GRIP1: variants seen among roughly 807,000 people sequenced by gnomAD.
The protein encoded by GRIP1 is glutamate receptor interacting protein 1.
GRIP1 carries 45 observed loss-of-function variants against 129.9 expected under a neutral mutation model. The observed-to-expected ratio is 0.35, with a 90% CI of 0.27 to 0.44. The LOEUF (loss-of-function observed/expected upper bound fraction) is 0.44. Ranked by LOEUF, GRIP1 falls within the 20% of genes least tolerant of loss-of-function variation. The pLI is 1.00. For synonymous variants in GRIP1, 530 were observed against 520.8 expected (o/e 1.02, Z -0.24); for missense variants, 1,196 against 1,396.8 (o/e 0.86, Z 2.29).
rs1434198667 is a variant in GRIP1 at position 66,529,825 on chromosome 12, A to G, written c.502+6T>C. On this transcript the variant is annotated splice_donor_region_variant and intron_variant, in intron 5 of 24. Coordinates refer to ENST00000359742, the MANE Select transcript of GRIP1 (RefSeq NM_001366722.1). ...TTTAAAGTAGATTTTTCTAACCAAC[A>G]CCTACCTCGAATTACAAAACCAAAG... is the stretch of plus-strand genomic sequence containing the variant. 1 of 1,512,406 alleles carries G rather than the reference A, an allele frequency of 6.6e-7. No homozygotes were observed. Among genetic ancestry groups the G allele is most frequent in the South Asian group, 1.1e-5 (1 of 89,060 alleles). 93.7% of individuals were successfully genotyped at this position (1,512,406 alleles called of 1,614,324 possible).
chr12:66,418,377 G>A (rs2057684378), intron 15 of GRIP1, among the ~76,000 whole-genome samples: 1 of 152,056 alleles, frequency 6.6e-6, no homozygotes, highest in South Asian at 2.1e-4. Flanking sequence ...ACATTGCTCT[G>A]GGCAAATATG....
At chr12:66,859,177 G>A (rs2040057446) in intron 1 of GRIP1, among the ~76,000 whole-genome samples, 1 of 148,640 alleles carries the variant, frequency 6.7e-6, no homozygotes, top group Non-Finnish European at 1.5e-5. Context: ...AACCATTTTT[G>A]ACTCTAAAAT....
chr12:66,622,638 T>G (rs2065324789), intron 1 of GRIP1, among the ~76,000 whole-genome samples: 1 of 152,170 alleles, frequency 6.6e-6, no homozygotes, highest in South Asian at 2.1e-4. Flanking sequence ...CCAATTGATC[T>G]TAAGGTCCAG....
chr12:66,924,336 T>C (rs1025546642), intron 1 of GRIP1, among the ~76,000 whole-genome samples: 1 of 152,180 alleles, frequency 6.6e-6, no homozygotes, highest in African/African-American at 2.4e-5. Context: ...GAAGGCACTA[T>C]ACATTAAACA....
At chr12:66,827,305 T>C (rs930359715) in intron 1 of GRIP1, among the ~76,000 whole-genome samples, 3 of 151,886 alleles carry the variant, frequency 2.0e-5, no homozygotes, top group Non-Finnish European at 2.9e-5. Context: ...AGTTTCTTAC[T>C]GGCTATTGGC....
chr12:66,463,443 T>C (rs2059195732), intron 8 of GRIP1, among the ~76,000 whole-genome samples: 1 of 152,202 alleles, frequency 6.6e-6, no homozygotes, highest in South Asian at 2.1e-4. Context: ...TCTGTGTTTT[T>C]TTGTTCTAGG....
At chr12:66,611,032 C>T (rs556691011) in intron 1 of GRIP1, among the ~76,000 whole-genome samples, 30 of 152,126 alleles carry the variant, frequency 2.0e-4, no homozygotes, top group Non-Finnish European at 4.0e-4. Flanking sequence ...TAACAAAAAA[C>T]ATTTGACATT....
chr12:66,876,279 A>T (rs1036102791), intron 1 of GRIP1, among the ~76,000 whole-genome samples: 47 of 152,012 alleles, frequency 3.1e-4, no homozygotes, highest in African/African-American at 1.0e-3. Context: ...GGTTGTCATG[A>T]TTATTGTTAT....
chr12:66,992,843 T>C (rs1203987248), intron 1 of GRIP1, among the ~76,000 whole-genome samples: 1 of 152,208 alleles, frequency 6.6e-6, no homozygotes, highest in Admixed American at 6.5e-5. Flanking sequence ...CCAGGTGTGG[T>C]AGCTCTTACC....
chr12:66,646,377 G>C lies in GRIP1; in HGVS notation c.55+32473C>G, dbSNP rs541432611. On this transcript the variant is annotated intron_variant, in intron 1 of 24. Transcript: ENST00000359742. ...GGTGGCTCACGGCTGTAATCCTAGC[G>C]ACTGGAGAGGCCAAGGCAGGTGGAA... Among the ~76,000 whole-genome samples the C allele has an allele frequency of 3.3e-5, 5 of 152,236 alleles. No individual in the cohort carries two copies. The East Asian group carries it at 9.7e-4, about 29-fold the overall frequency.
chr12:66,666,355 A>T (rs1215416432), intron 1 of GRIP1, among the ~76,000 whole-genome samples: 2 of 152,190 alleles, frequency 1.3e-5, no homozygotes, highest in African/African-American at 4.8e-5. Flanking sequence ...AAAATTTTTT[A>T]AAAACATGAC....
intron 14 of GRIP1, among the ~76,000 whole-genome samples, chr12:66,429,634 C>T (rs1047512991): frequency 6.6e-6 from 1 of 151,918 alleles, no homozygotes; most frequent in Non-Finnish European, 1.5e-5. Context: ...AGGTTGAGGC[C>T]GCAGTGAGCC....
intron 1 of GRIP1, among the ~76,000 whole-genome samples, chr12:66,815,856 C>CTTTCTTTCTCTG (rs11458006): frequency 6.0e-5 from 8 of 134,200 alleles, no homozygotes; most frequent in South Asian, 2.4e-4. Context: ...TTCTTTCTTT[C>CTTTCTTTCTCTG]TCTCTCTCTC....
intron 1 of GRIP1, among the ~76,000 whole-genome samples, chr12:66,850,008 C>T (rs548059408): frequency 2.0e-5 from 3 of 152,232 alleles, no homozygotes; most frequent in East Asian, 1.9e-4. Flanking sequence ...TGAAGGATAT[C>T]GGTCCAGAAA....
chr12:66,977,955 C>T (rs370369959), intron 1 of GRIP1, among the ~76,000 whole-genome samples: 2 of 151,422 alleles, frequency 1.3e-5, no homozygotes, highest in Admixed American at 6.6e-5. Context: ...TAAGACTACA[C>T]GTGCACACTA....
intron 19 of GRIP1, among the ~76,000 whole-genome samples, chr12:66,384,644 T>C (rs923800833): frequency 1.3e-5 from 2 of 152,116 alleles, no homozygotes; most frequent in African/African-American, 4.8e-5. Flanking sequence ...AGATTATAGA[T>C]AGAAATGTGG....
intron 3 of GRIP1, among the ~76,000 whole-genome samples, chr12:66,540,736 A>G (rs7487348): frequency 0.27 from 41,558 of 152,204 alleles, 5,863 homozygotes; most frequent in Middle Eastern, 0.33. Flanking sequence ...GGATATGAAT[A>G]TTGGTGGCCA....
chr12:66,722,727 A>G (rs1206955387), intron 1 of GRIP1, among the ~76,000 whole-genome samples: 1 of 152,152 alleles, frequency 6.6e-6, no homozygotes, highest in Non-Finnish European at 1.5e-5. Flanking sequence ...GGAAAAGACA[A>G]TCAAAATACA....
intron 1 of GRIP1, among the ~76,000 whole-genome samples, chr12:66,927,070 T>C (rs1239440005): frequency 6.6e-6 from 1 of 152,210 alleles, no homozygotes; most frequent in Admixed American, 6.5e-5. Flanking sequence ...ACTTGTTACA[T>C]TATATCATGG....
Sources: allele counts gnomAD v4.1 joint callset (sites outside exome capture counted in the v4.1 genomes callset), GRCh38; gene constraint gnomAD v4.1.1; transcripts MANE v1.5; gene names NCBI Gene and HGNC (gene_info 2026-07-23, HGNC 2026-07-21).